ABR: variants seen among roughly 807,000 people sequenced by gnomAD.
ABR encodes ABR activator of RhoGEF and GTPase.
Under a neutral mutation model 107.2 loss-of-function variants are expected in ABR, and 35 were observed. The ratio of observed to expected loss-of-function variants is 0.33; its 90% CI spans 0.25 to 0.43. ABR has a LOEUF of 0.43. Among genes scored for constraint, ABR ranks in the 20% least tolerant of loss-of-function variants. The pLI is 1.00. For missense variants in ABR, 815 were observed against 1,115.2 expected (o/e 0.73, Z 3.83); for synonymous variants, 498 against 462.0 (o/e 1.08, Z -1.00).
At chr17:1,176,055 C>T (rs1164927515) in intron 1 of ABR, among the ~76,000 whole-genome samples, 1 of 151,886 alleles carries the variant, frequency 6.6e-6, no homozygotes, top group East Asian at 1.9e-4. Flanking sequence ...AGTGCCACTG[C>T]ACTCCAGCTC....
At chr17:1,178,564 CAAAA>C (rs11301468) in intron 1 of ABR, among the ~76,000 whole-genome samples, 2 of 121,874 alleles carry the variant, frequency 1.6e-5, no homozygotes, top group Non-Finnish European at 3.8e-5. Flanking sequence ...GACTCCGTCT[CAAAA>C]AAAAAAAAAA....
At chr17:1,072,237 G>A (rs1035747981) in intron 8 of ABR, among the ~76,000 whole-genome samples, 14 of 152,076 alleles carry the variant, frequency 9.2e-5, no homozygotes, top group African/African-American at 3.4e-4. Flanking sequence ...TGAGACACTG[G>A]ACTTAAACTT....
rs936166415 is a variant in ABR at position 1,010,305 on chromosome 17, G to A, written c.2236+424C>T. On this transcript the variant is annotated intron_variant, in intron 20 of 22. Transcript: ENST00000302538. The surrounding 1 kb of genome is among the most constrained non-coding windows in gnomAD (Gnocchi z 4.1). ...GAAGGCCTGCTGGCCGGGGCCCTCC[G>A]CAGAGGTGACGGGACGGTGTGTGGT... The A allele has an allele frequency of 9.9e-5, 23 of 231,210 alleles. No individual in the cohort carries two copies. The highest frequency in any genetic ancestry group is 2.7e-4 in the African/African-American group (12 of 44,836). The allele number at this position is 231,210 out of a possible 1,614,324, so 14.3% of individuals were successfully genotyped here. A position where few individuals can be genotyped will look rare whatever the true frequency, so the allele number is the denominator to read the frequency against.
intron 13 of ABR, 113 bp downstream of exon 13, chr17:1,056,885 G>T: frequency 1.4e-6 from 1 of 714,354 alleles, no homozygotes; most frequent in South Asian, 1.6e-5. Flanking sequence ...CAGCACAGCC[G>T]AGCAGGGATC....
chr17:1,025,832 G>A (rs146090566), intron 16 of ABR, among the ~76,000 whole-genome samples: 2,087 of 152,178 alleles, frequency 0.014, 54 homozygotes, highest in African/African-American at 0.047. Context: ...CGTCTGTCTC[G>A]GGCGCCTCTG....
intron 16 of ABR, among the ~76,000 whole-genome samples, chr17:1,044,672 T>C (rs1294803249): frequency 6.6e-6 from 1 of 150,920 alleles, no homozygotes; most frequent in Non-Finnish European, 1.5e-5. Flanking sequence ...AAATACCTCT[T>C]CCGGCCAAAC....
chr17:1,037,050 T>TCCATCCAC lies in ABR; in HGVS notation c.1791+12992_1791+12999dup, dbSNP rs2073243564. On this transcript the variant is annotated intron_variant, in intron 16 of 22. Coordinates refer to ENST00000302538, the MANE Select transcript of ABR (RefSeq NM_021962.5). The surrounding 1 kb of genome is among the most constrained non-coding windows in gnomAD (Gnocchi z 4.6). ...TTCCATCCATCCACCCATCCATCCA[T>TCCATCCAC]CCATCCACCCATCCATCCACCCACC... Among the ~76,000 whole-genome samples the TCCATCCAC allele has an allele frequency of 7.9e-6, 1 of 126,944 alleles. No individual in the cohort carries two copies. Among genetic ancestry groups the TCCATCCAC allele is most frequent in the Non-Finnish European group, 1.6e-5 (1 of 62,422 alleles). The allele number at this position is 126,944 out of a possible 152,430, so 83.3% of individuals were successfully genotyped here. A position where few individuals can be genotyped will look rare whatever the true frequency, so the allele number is the denominator to read the frequency against.
At chr17:1,196,982 C>A (rs1254147002) in intron 1 of ABR, among the ~76,000 whole-genome samples, 7 of 151,788 alleles carry the variant, frequency 4.6e-5, no homozygotes, top group Non-Finnish European at 1.0e-4. Flanking sequence ...GCGTGAGCCA[C>A]CGCACCCGGC....
chr17:1,184,999 G>A (rs903568103), intron 1 of ABR: 11 of 152,188 alleles, frequency 7.2e-5, no homozygotes, highest in Admixed American at 3.3e-4. Context: ...GCTTGGAAAT[G>A]AACCAAGTCT....
At chr17:1,099,425 C>A (rs2037720961) in intron 3 of ABR, among the ~76,000 whole-genome samples, 1 of 152,192 alleles carries the variant, frequency 6.6e-6, no homozygotes, top group Admixed American at 6.5e-5. Context: ...AATGTCAAGT[C>A]CCCTGGGACA....
At chr17:1,009,273 C>A (rs563389856) in intron 21 of ABR, among the ~76,000 whole-genome samples, 1 of 138,620 alleles carries the variant, frequency 7.2e-6, no homozygotes, top group Admixed American at 7.6e-5. Flanking sequence ...GTCCACCCCC[C>A]ACTGCTGTCC....
At chr17:1,185,900 A>G (rs1459020881) in intron 1 of ABR, among the ~76,000 whole-genome samples, 1 of 151,442 alleles carries the variant, frequency 6.6e-6, no homozygotes, top group African/African-American at 2.4e-5. Context: ...CAGTGGCAGG[A>G]TCTCGGCTCA....
rs1237439437 is a variant in ABR, at chr17:1,078,960, C to A, written c.700+370G>T. The stretch of plus-strand genomic sequence containing the variant: ...CTCAGCCACCTTGCTGATGCTGCCG[C>A]ACGGACTCCAGCATCGGGCAGCCGC... On this transcript the variant is annotated intron_variant, in intron 6 of 22. Transcript: ENST00000302538. The surrounding 1 kb of genome is among the most constrained non-coding windows in gnomAD (Gnocchi z 7.5). 1.3e-6 allele frequency: 2 copies of A among 1,516,874 alleles called. No homozygotes were observed. The highest frequency in any genetic ancestry group is 4.9e-5 in the East Asian group (2 of 40,596). The allele number at this position is 1,516,874 out of a possible 1,614,324, so 94.0% of individuals were successfully genotyped here.
At chr17:1,198,980 G>C in intron 1 of ABR, among the ~76,000 whole-genome samples, 1 of 148,832 alleles carries the variant, frequency 6.7e-6, no homozygotes, top group Non-Finnish European at 1.5e-5. Flanking sequence ...TTTGAACCTG[G>C]GAGGCAGAGG....
chr17:1,112,621 A>AGAG (rs1555584867), intron 2 of ABR, among the ~76,000 whole-genome samples: 2 of 149,104 alleles, frequency 1.3e-5, no homozygotes, highest in Non-Finnish European at 3.0e-5. Flanking sequence ...GGGAGGAAGG[A>AGAG]AGGAAGGAAG....
intron 1 of ABR, among the ~76,000 whole-genome samples, chr17:1,223,308 C>CACACACACACACACAT (rs2043153220): frequency 6.6e-6 from 1 of 150,832 alleles, no homozygotes; most frequent in Non-Finnish European, 1.5e-5. Flanking sequence ...AGTAACAACA[C>CACACACACACACACAT]ACACACACAC....
chr17:1,029,855 G>A (rs1008190150), intron 16 of ABR, among the ~76,000 whole-genome samples: 19 of 149,446 alleles, frequency 1.3e-4, no homozygotes, highest in African/African-American at 3.7e-4. Flanking sequence ...ACGTCCCTCC[G>A]TCCACCACAG....
Position 1,015,914 on chromosome 17 carries a change from T to C in ABR, c.1792-2750A>G, listed in dbSNP as rs151093962. Among the ~76,000 whole-genome samples the C allele has an allele frequency of 8.0e-3, 1,225 of 152,300 alleles. 19 individuals carry two copies. The highest frequency in any genetic ancestry group is 0.028 in the African/African-American group (1,151 of 41,562). On this transcript the variant is annotated intron_variant, in intron 16 of 22. Transcript: ENST00000302538. ...CGAGGCTCAGCATCAATTTGGTTCA[T>C]GTTTCTGGTTTTGTTGTAAAGATGT...
chr17:1,196,471 T>A (rs2042567939), intron 1 of ABR, among the ~76,000 whole-genome samples: 1 of 152,188 alleles, frequency 6.6e-6, no homozygotes, highest in African/African-American at 2.4e-5. Context: ...TTAGAAAAGA[T>A]TTCTTAGCTA....
Sources: allele counts gnomAD v4.1 joint callset (sites outside exome capture counted in the v4.1 genomes callset), GRCh38; gene constraint gnomAD v4.1.1; non-coding constraint Gnocchi (gnomAD v3.1); transcripts MANE v1.5; gene names NCBI Gene and HGNC (gene_info 2026-07-23, HGNC 2026-07-21).